Variants in PLXNA4 observed in about 807,000 individuals in gnomAD.
PLXNA4 encodes plexin A4.
Under a neutral mutation model 191.8 loss-of-function variants are expected in PLXNA4, and 44 were observed. The ratio of observed to expected loss-of-function variants is 0.23; its 90% CI spans 0.18 to 0.29. PLXNA4 has a LOEUF of 0.29. PLXNA4 is among the 10% of genes least tolerant of loss of function. The probability of loss-of-function intolerance (pLI) is 1.00; values close to 1 mark genes in which losing one functional copy is unlikely to be tolerated. For missense variants in PLXNA4, 1,800 were observed against 2,488.8 expected (o/e 0.72, Z 5.89); for synonymous variants, 1,082 against 1,009.5 (o/e 1.07, Z -1.36).
chr7:132,413,635 G>C (rs139719118), intron 3 of PLXNA4, among the ~76,000 whole-genome samples: 1 of 152,132 alleles, frequency 6.6e-6, no homozygotes, highest in Non-Finnish European at 1.5e-5. Context: ...CCACGGTTCT[G>C]GTTGCCTGAA....
intron 3 of PLXNA4, among the ~76,000 whole-genome samples, chr7:132,467,655 C>A (rs1207641547): frequency 6.6e-6 from 1 of 152,210 alleles, no homozygotes; most frequent in Non-Finnish European, 1.5e-5. Context: ...CCAAAGATCA[C>A]AAAATTAAAA....
In PLXNA4 at chr7:132,126,366, G is replaced by C. The variant is rs182904743; in HGVS notation, c.*4113C>G. On this transcript the variant is annotated 3_prime_UTR_variant, in exon 32 of 32. Coordinates refer to ENST00000321063, the MANE Select transcript of PLXNA4 (RefSeq NM_020911.2). ...CAGAGGGCTGGGCTGAGAGGTCTGA[G>C]CAGCTCCTGTACTCAAGTGGATAAA... The C allele has an allele frequency of 5.5e-3, 843 of 152,876 alleles. No homozygotes were observed. Among genetic ancestry groups the C allele is most frequent in the Non-Finnish European group, 9.2e-3 (632 of 68,466 alleles). 9.5% of individuals were successfully genotyped at this position (152,876 alleles called of 1,614,324 possible).
At chr7:132,440,935 C>T (rs527709569) in intron 3 of PLXNA4, among the ~76,000 whole-genome samples, 17 of 152,118 alleles carry the variant, frequency 1.1e-4, no homozygotes, top group Admixed American at 3.3e-4. Context: ...AAGTCAAGGC[C>T]GCTATGCACT....
At chr7:132,312,485 A>C (rs1367698505) in intron 3 of PLXNA4, among the ~76,000 whole-genome samples, 4 of 152,204 alleles carry the variant, frequency 2.6e-5, no homozygotes, top group African/African-American at 9.7e-5. Context: ...AGGGGATGGC[A>C]CATTAATATT....
At chr7:132,270,911 A>G (rs1232639053) in intron 4 of PLXNA4, among the ~76,000 whole-genome samples, 6 of 152,250 alleles carry the variant, frequency 3.9e-5, no homozygotes, top group Admixed American at 2.0e-4. Flanking sequence ...AAACTTTTCA[A>G]TGCAGTGGAG....
In PLXNA4 at chr7:132,614,647, T is replaced by C. The variant is rs146828049; in HGVS notation, c.-87+31281A>G. 5.3e-5 allele frequency among the ~76,000 whole-genome samples: 8 copies of C among 152,336 alleles called. No individual in the cohort carries two copies. In the East Asian group the frequency reaches 1.5e-3, roughly 29 times the overall value. On this transcript the variant is annotated intron_variant, in intron 2 of 4. Transcript: ENST00000378539. ...ACGCAGGCCCCAGCAACCACAGCTG[T>C]GTGCAGCGCTCTGATGCCTGGCCAC...
At chr7:132,311,947 G>C (rs1336734716) in intron 3 of PLXNA4, among the ~76,000 whole-genome samples, 1 of 152,058 alleles carries the variant, frequency 6.6e-6, no homozygotes, top group Non-Finnish European at 1.5e-5. Flanking sequence ...GCAGAAAGCT[G>C]GGGGCCCTGG....
intron 4 of PLXNA4, among the ~76,000 whole-genome samples, chr7:132,285,713 G>T (rs1165737837): frequency 6.6e-6 from 1 of 152,234 alleles, no homozygotes; most frequent in African/African-American, 2.4e-5. Flanking sequence ...ACGTCCCATT[G>T]ATATTCAAAC....
At chr7:132,468,583 C>T (rs1209522252) in intron 3 of PLXNA4, among the ~76,000 whole-genome samples, 3 of 152,118 alleles carry the variant, frequency 2.0e-5, no homozygotes, top group African/African-American at 7.2e-5. Flanking sequence ...TGCTCTGTGG[C>T]CCTCTCACTC....
intron 3 of PLXNA4, among the ~76,000 whole-genome samples, chr7:132,476,346 C>T (rs1297395833): frequency 6.6e-6 from 1 of 152,184 alleles, no homozygotes; most frequent in Non-Finnish European, 1.5e-5. Flanking sequence ...TTATGGATGA[C>T]TGATGCTTCC....
intron 25 of PLXNA4, among the ~76,000 whole-genome samples, chr7:132,157,138 CTGTT>C (rs1795822219): frequency 6.6e-6 from 1 of 152,220 alleles, no homozygotes; most frequent in Non-Finnish European, 1.5e-5. Context: ...GGGATCCTCT[CTGTT>C]TGTTTGGGTG....
chr7:132,189,030 A>AG (rs1797000678), intron 14 of PLXNA4, among the ~76,000 whole-genome samples: 5 of 61,954 alleles, frequency 8.1e-5, no homozygotes, highest in Non-Finnish European at 1.3e-4. Flanking sequence ...GAGAGAGAGA[A>AG]AGAGAGAGAG....
chr7:132,251,107 T>C lies in PLXNA4; in HGVS notation c.1504-9941A>G, dbSNP rs538621788. Among the ~76,000 whole-genome samples the C allele has an allele frequency of 2.7e-5, 4 of 149,744 alleles. No homozygotes were observed. In the Admixed American group the frequency reaches 2.7e-4, roughly 10 times the overall value. On this transcript the variant is annotated intron_variant, in intron 4 of 31. Transcript: ENST00000321063. ...TTGGGTATTTTATTAGAAACTTTCA[T>C]GTTACTGCTACGTAAACACTGCTTC...
chr7:132,280,071 C>G (rs1584939080), intron 4 of PLXNA4, among the ~76,000 whole-genome samples: 1 of 152,144 alleles, frequency 6.6e-6, no homozygotes, highest in Admixed American at 6.5e-5. Context: ...CGACTTTATT[C>G]TATTCCATTA....
chr7:132,228,310 A>C, intron 6 of PLXNA4, 36 bp downstream of exon 6: 1 of 1,611,534 alleles, frequency 6.2e-7, no homozygotes, highest in Non-Finnish European at 8.5e-7. Flanking sequence ...TTTTCCTTGC[A>C]TCCCTGGACC....
intron 30 of PLXNA4, among the ~76,000 whole-genome samples, chr7:132,137,472 A>C (rs1167975446): frequency 4.6e-5 from 7 of 152,242 alleles, no homozygotes; most frequent in African/African-American, 1.7e-4. Context: ...ACTACAACTA[A>C]TCACAACACG....
intron 3 of PLXNA4, chr7:132,385,444 G>C: frequency 8.1e-7 from 1 of 1,231,018 alleles, no homozygotes; most frequent in East Asian, 2.9e-5. Context: ...TGTATTAAGA[G>C]CCTCAATATC....
intron 1 of PLXNA4, among the ~76,000 whole-genome samples, chr7:132,527,539 C>CAAAAA (rs34598256): frequency 1.2e-3 from 71 of 59,548 alleles, no homozygotes; most frequent in South Asian, 1.6e-3. Flanking sequence ...GAAACAGACT[C>CAAAAA]AAAAAAAAAA....
intron 3 of PLXNA4, among the ~76,000 whole-genome samples, chr7:132,337,620 T>C (rs1802870646): frequency 1.3e-5 from 2 of 152,232 alleles, no homozygotes; most frequent in Non-Finnish European, 2.9e-5. Context: ...AGATGTTAAA[T>C]GCTGGAACAT....
Sources: gnomAD v4.1 joint callset for allele counts (sites outside exome capture counted in the v4.1 genomes callset) on GRCh38, gnomAD v4.1.1 for gene constraint, MANE v1.5 for transcripts, NCBI Gene and HGNC (gene_info 2026-07-23, HGNC 2026-07-21) for gene names.